VPS45: variants seen among roughly 807,000 people sequenced by gnomAD.
VPS45 encodes vacuolar protein sorting-associated protein 45.
VPS45 carries 35 observed loss-of-function variants against 75.9 expected under a neutral mutation model. That is an observed-to-expected ratio of 0.46 (90% CI 0.35 to 0.61). The LOEUF is 0.61. VPS45 is among the 20% of genes least tolerant of loss of function. VPS45 has a pLI of 0.00. For synonymous variants in VPS45, 220 were observed against 238.2 expected, an observed-to-expected ratio of 0.92 and a Z score of 0.70; for missense variants, 559 against 685.9, an observed-to-expected ratio of 0.81 and a Z score of 2.07.
At chr1:150,091,626 G>A (rs1034299647) in intron 10 of VPS45, among the ~76,000 whole-genome samples, 20 of 152,308 alleles carry the variant, frequency 1.3e-4, no homozygotes, top group African/African-American at 2.9e-4. Context: ...GATTCAAGTC[G>A]TGGAAATAGT....
At chr1:150,117,884 A>C (rs1658024344) in intron 14 of VPS45, among the ~76,000 whole-genome samples, 1 of 151,578 alleles carries the variant, frequency 6.6e-6, no homozygotes, top group Non-Finnish European at 1.5e-5. Flanking sequence ...AGTTGGATTT[A>C]GATAGAAAGA....
intron 10 of VPS45, among the ~76,000 whole-genome samples, chr1:150,091,515 A>G (rs1656323275): frequency 6.6e-6 from 1 of 152,226 alleles, no homozygotes; most frequent in African/African-American, 2.4e-5. Flanking sequence ...CAGTCTGTGT[A>G]AAATTCTACC....
Position 150,092,014 on chromosome 1 carries a change from T to C in VPS45, c.1182T>C (p.His394=), listed in dbSNP as rs782705149. 2 of 1,614,090 alleles carry C rather than the reference T, an allele frequency of 1.2e-6. No individual in the cohort carries two copies. The highest frequency in any genetic ancestry group is 2.2e-5 in the South Asian group (2 of 91,076). ...AARLVMLYAL[H]YERHSSNSLP... ...GCCTGGTGATGCTTTATGCTTTACA[T>C]TATGAGCGACACAGCAGCAATAGCC... The change falls in exon 11 of 15, where the codon CAT becomes CAC. Residue 394 remains histidine, a synonymous_variant. Coordinates refer to ENST00000644510, the MANE Select transcript of VPS45 (RefSeq NM_007259.5).
chr1:150,107,093 T>G (rs189732518), intron 13 of VPS45, among the ~76,000 whole-genome samples: 79 of 152,328 alleles, frequency 5.2e-4, no homozygotes, highest in Non-Finnish European at 9.0e-4. Context: ...TTTTACTTGT[T>G]TTTTAGTTAT....
intron 14 of VPS45, among the ~76,000 whole-genome samples, chr1:150,130,283 C>G (rs1658764236): frequency 7.1e-6 from 1 of 139,968 alleles, no homozygotes; most frequent in African/African-American, 2.7e-5. Context: ...TTCACTACAA[C>G]CTCCTCCTCC....
At chr1:150,120,214 G>A (rs1658163892) in intron 14 of VPS45, among the ~76,000 whole-genome samples, 1 of 152,118 alleles carries the variant, frequency 6.6e-6, no homozygotes, top group African/African-American at 2.4e-5. Flanking sequence ...AATGTAATGG[G>A]TAGATAGGTC....
intron 7 of VPS45, among the ~76,000 whole-genome samples, chr1:150,079,691 C>T (rs587729497): frequency 4.0e-4 from 61 of 152,236 alleles, no homozygotes; most frequent in African/African-American, 1.4e-3. Context: ...AGATGACAGG[C>T]GTGAGCCACC....
intron 3 of VPS45, among the ~76,000 whole-genome samples, 156 bp from the exon 4 acceptor site, chr1:150,076,077 T>TATATATATATATAA (rs1313052333): frequency 1.7e-4 from 25 of 148,778 alleles, no homozygotes; most frequent in African/African-American, 6.0e-4. Context: ...TATATATATA[T>TATATATATATATAA]ATATATAAAA....
rs147982143 is a variant in VPS45 at position 150,129,104 on chromosome 1, G to A, written c.1626-15605G>A. ...TGCAAGAGTTGTGATGGAGTGTGTC[G>A]CCTGTCACTGACAAGCATTTATTGA... On this transcript the variant is annotated intron_variant, in intron 14 of 14. Coordinates refer to ENST00000644510, the MANE Select transcript of VPS45 (RefSeq NM_007259.5). 4.2e-3 allele frequency among the ~76,000 whole-genome samples: 637 copies of A among 152,248 alleles called. 7 individuals carry two copies. The highest frequency in any genetic ancestry group is 1.5e-3 in the Non-Finnish European group (105 of 68,010).
chr1:150,110,431 G>A (rs1657583442), intron 13 of VPS45, 65 bp from the exon 14 acceptor site: 2 of 1,436,906 alleles, frequency 1.4e-6, no homozygotes, highest in African/African-American at 2.9e-5. Flanking sequence ...AAAACTCTGT[G>A]TATGTAAGTC....
intron 10 of VPS45, among the ~76,000 whole-genome samples, chr1:150,086,839 A>C (rs1164140661): frequency 6.6e-6 from 1 of 152,098 alleles, no homozygotes; most frequent in Non-Finnish European, 1.5e-5. Flanking sequence ...TTGTCAGATC[A>C]GCATGTGGAA....
chr1:150,078,261 G>C (rs1426122963), intron 7 of VPS45, among the ~76,000 whole-genome samples: 6 of 152,092 alleles, frequency 3.9e-5, no homozygotes, highest in Non-Finnish European at 7.4e-5. Context: ...TTGCCTACTA[G>C]GTTAAAAAGA....
At chr1:150,075,596 A>G (rs1404546920) in intron 3 of VPS45, among the ~76,000 whole-genome samples, 1 of 152,166 alleles carries the variant, frequency 6.6e-6, no homozygotes, top group Non-Finnish European at 1.5e-5. Flanking sequence ...TGTCATTAAC[A>G]TTTGTTAGTT....
At chr1:150,120,299 A>G (rs1033771400) in intron 14 of VPS45, among the ~76,000 whole-genome samples, 82 of 152,344 alleles carry the variant, frequency 5.4e-4, no homozygotes, top group African/African-American at 1.9e-3. Context: ...AACCTTAATC[A>G]TGGTTTCTCT....
chr1:150,133,387 T>TA (rs1170038164), intron 14 of VPS45, among the ~76,000 whole-genome samples: 55 of 149,898 alleles, frequency 3.7e-4, no homozygotes, highest in Admixed American at 1.7e-3. Context: ...CCATCTCTAC[T>TA]AAAAAAAAAT....
At chr1:150,080,590 A>T (rs1553799111) in intron 7 of VPS45, among the ~76,000 whole-genome samples, 4 of 152,226 alleles carry the variant, frequency 2.6e-5, no homozygotes, top group African/African-American at 9.6e-5. Context: ...AAATATGTAT[A>T]TAAATATTTC....
intron 12 of VPS45, among the ~76,000 whole-genome samples, 170 bp from the exon 13 acceptor site, chr1:150,093,357 G>C (rs1229471988): frequency 6.6e-6 from 1 of 152,076 alleles, no homozygotes; most frequent in Non-Finnish European, 1.5e-5. Flanking sequence ...ATTTTTATGA[G>C]ATTAGAACAT....
chr1:150,085,447 T>G (rs1485235615), intron 10 of VPS45, among the ~76,000 whole-genome samples: 1 of 152,158 alleles, frequency 6.6e-6, no homozygotes, highest in Non-Finnish European at 1.5e-5. Flanking sequence ...TGTGATCCAC[T>G]TTTTATTTTT....
chr1:150,069,334 GT>G (rs782635063), intron 2 of VPS45, among the ~76,000 whole-genome samples: 1 of 145,626 alleles, frequency 6.9e-6, no homozygotes, highest in East Asian at 2.0e-4. Context: ...CCTGTTCCTT[GT>G]TTTTTTTTTC....
Sources: gnomAD v4.1 joint callset for allele counts (sites outside exome capture counted in the v4.1 genomes callset) on GRCh38, gnomAD v4.1.1 for gene constraint, MANE v1.5 for transcripts, NCBI Gene and HGNC (gene_info 2026-07-23, HGNC 2026-07-21) for gene names.